Variants in ITSN1 observed in about 807,000 individuals in gnomAD.
ITSN1 encodes the protein intersectin-1.
ITSN1 carries 58 observed loss-of-function variants against 239.8 expected under a neutral mutation model. The ratio of observed to expected loss-of-function variants is 0.24; its 90% CI spans 0.20 to 0.30. ITSN1 has a LOEUF of 0.30. ITSN1 is among the 10% of genes least tolerant of loss of function. The probability of loss-of-function intolerance (pLI) is 1.00; values close to 1 mark genes in which losing one functional copy is unlikely to be tolerated. For synonymous variants in ITSN1, 780 were observed against 770.8 expected, an observed-to-expected ratio of 1.01 and a Z score of -0.20; for missense variants, 1,558 against 2,103.3, an observed-to-expected ratio of 0.74 and a Z score of 5.07.
intron 21 of ITSN1, 76 bp downstream of exon 21, chr21:33,811,298 T>C: frequency 2.2e-6 from 3 of 1,394,548 alleles, no homozygotes; most frequent in Non-Finnish European, 2.9e-6. Context: ...CCTTAAGTAT[T>C]TTCATAGTCT....
chr21:33,682,087 A>C (rs565185266), intron 1 of ITSN1, among the ~76,000 whole-genome samples: 1 of 151,908 alleles, frequency 6.6e-6, no homozygotes, highest in Admixed American at 6.6e-5. Context: ...AAAAAACTAC[A>C]TACTAATTAC....
At chr21:33,825,122 TTGTAA>T (rs2073908424) in intron 25 of ITSN1, among the ~76,000 whole-genome samples, 1 of 152,222 alleles carries the variant, frequency 6.6e-6, no homozygotes, top group African/African-American at 2.4e-5. Context: ...AAGCCATTAC[TTGTAA>T]TGTATTTTAA....
Position 33,814,052 on chromosome 21 carries a change from C to A in ITSN1, c.2707C>A (p.Pro903Thr), listed in dbSNP as rs745772242. The change falls in exon 22 of 40, where the codon CCG (proline) becomes ACG (threonine). Residue 903 changes from proline to threonine, a missense_variant. Transcript: ENST00000381318. ...TCCAGCCACGGCCACTGGCTCCTCC[C>A]CGTCTCCTGTGCTAGGCCAGGTAAA... ...FTPATATGSS[P>T]SPVLGQGEKV... 1 of 1,614,134 alleles carries A rather than the reference C, an allele frequency of 6.2e-7. No homozygotes were observed.
At chr21:33,823,950 AC>A (rs1231915588) in intron 25 of ITSN1, among the ~76,000 whole-genome samples, 18 of 152,320 alleles carry the variant, frequency 1.2e-4, no homozygotes, top group African/African-American at 4.1e-4. Context: ...TAACTGACTT[AC>A]GCTTTGGAGT....
intron 27 of ITSN1, among the ~76,000 whole-genome samples, chr21:33,833,107 T>C (rs1171835527): frequency 6.6e-6 from 1 of 151,990 alleles, no homozygotes; most frequent in Admixed American, 6.5e-5. Flanking sequence ...CGACTCATGA[T>C]CCCTAACTCG....
intron 1 of ITSN1, among the ~76,000 whole-genome samples, chr21:33,693,983 T>C (rs1438877240): frequency 6.6e-6 from 1 of 152,252 alleles, no homozygotes; most frequent in African/African-American, 2.4e-5. Flanking sequence ...ATATAAAGTT[T>C]TATATTTTTA....
intron 11 of ITSN1, among the ~76,000 whole-genome samples, chr21:33,768,244 A>G (rs2068860144): frequency 6.6e-6 from 1 of 152,084 alleles, no homozygotes; most frequent in South Asian, 2.1e-4. Context: ...CCTTAATTGC[A>G]GGAACCTATT....
At chr21:33,708,633 G>T (rs192461237) in intron 1 of ITSN1, among the ~76,000 whole-genome samples, 101 of 152,220 alleles carry the variant, frequency 6.6e-4, no homozygotes, top group African/African-American at 2.3e-3. Context: ...TGATCCACCC[G>T]CCTTGGCCTC....
At chr21:33,688,859 T>C (rs2091375288) in intron 1 of ITSN1, among the ~76,000 whole-genome samples, 1 of 148,228 alleles carries the variant, frequency 6.7e-6, no homozygotes, top group African/African-American at 2.6e-5. Flanking sequence ...CAGGCTGGAG[T>C]GCAGTGGTGC....
intron 1 of ITSN1, among the ~76,000 whole-genome samples, chr21:33,659,705 C>CT (rs71194859): frequency 0.3 from 22,527 of 76,120 alleles, 4,205 homozygotes; most frequent in Non-Finnish European, 0.33. Context: ...GCAGCCTGTA[C>CT]TTTTTTTTTT....
chr21:33,859,211 C>A (rs768057427), intron 31 of ITSN1, among the ~76,000 whole-genome samples: 1 of 152,214 alleles, frequency 6.6e-6, no homozygotes, highest in Non-Finnish European at 1.5e-5. Flanking sequence ...AAATGTGGAA[C>A]TGTTCACTGC....
intron 39 of ITSN1, 114 bp from the exon 40 acceptor site, chr21:33,888,038 C>T: frequency 9.7e-7 from 1 of 1,031,948 alleles, no homozygotes; most frequent in Non-Finnish European, 1.4e-6. Context: ...ACATCAGAGC[C>T]CAGAGAAGAA....
At chr21:33,690,824 T>C (rs1299820592) in intron 1 of ITSN1, among the ~76,000 whole-genome samples, 2 of 45,118 alleles carry the variant, frequency 4.4e-5, no homozygotes, top group East Asian at 3.9e-4. Context: ...TGTATATATA[T>C]ATATATATAT....
At chr21:33,671,732 C>T (rs1202684224) in intron 1 of ITSN1, among the ~76,000 whole-genome samples, 2 of 151,152 alleles carry the variant, frequency 1.3e-5, no homozygotes, top group Non-Finnish European at 2.9e-5. Context: ...AGTGAGGTTG[C>T]AGTGAGCTGA....
chr21:33,787,676 A>G, intron 16 of ITSN1, among the ~76,000 whole-genome samples: 1 of 152,222 alleles, frequency 6.6e-6, no homozygotes, highest in East Asian at 1.9e-4. Context: ...GAACTGCAGA[A>G]CAGAGTAAGA....
intron 27 of ITSN1, among the ~76,000 whole-genome samples, chr21:33,833,739 C>T (rs1356254480): frequency 1.3e-5 from 2 of 152,022 alleles, no homozygotes; most frequent in South Asian, 2.1e-4. Context: ...GGCATGGTTG[C>T]GGTGTGCCTG....
At chr21:33,809,974 G>A (rs1602371391) in intron 20 of ITSN1, among the ~76,000 whole-genome samples, 1 of 152,144 alleles carries the variant, frequency 6.6e-6, no homozygotes, top group East Asian at 1.9e-4. Flanking sequence ...TGTATTTGTA[G>A]TAGAGACGAG....
chr21:33,880,983 C>G (rs1040869626), intron 34 of ITSN1, among the ~76,000 whole-genome samples: 19 of 152,002 alleles, frequency 1.2e-4, no homozygotes, highest in African/African-American at 3.4e-4. Context: ...GTTTCAGCGC[C>G]CACCGTGTCT....
chr21:33,747,021 GCAGATGCCTGTAATCC>G (rs1439270164), intron 5 of ITSN1, among the ~76,000 whole-genome samples: 1 of 152,186 alleles, frequency 6.6e-6, no homozygotes, highest in Non-Finnish European at 1.5e-5. Flanking sequence ...GGGCGTGGTG[GCAGATGCCTGTAATCC>G]CAGTTATTGG....
Sources: gnomAD v4.1 joint callset for allele counts (sites outside exome capture counted in the v4.1 genomes callset) on GRCh38, gnomAD v4.1.1 for gene constraint, MANE v1.5 for transcripts, NCBI Gene and HGNC (gene_info 2026-07-23, HGNC 2026-07-21) for gene names.